N4BP2: variants seen among roughly 807,000 people sequenced by gnomAD.
The protein encoded by N4BP2 is NEDD4-binding protein 2.
A neutral mutation model predicts 152.8 loss-of-function variants in N4BP2; 91 were observed. That is an observed-to-expected ratio of 0.60 (90% CI 0.50 to 0.71). The LOEUF (loss-of-function observed/expected upper bound fraction) is 0.71. Ranked by LOEUF, N4BP2 falls within the 30% of genes least tolerant of loss-of-function variation. N4BP2 has a pLI of 0.00. For synonymous variants in N4BP2, 646 were observed against 705.3 expected, an observed-to-expected ratio of 0.92 and a Z score of 1.33; for missense variants, 1,923 against 2,059.1, an observed-to-expected ratio of 0.93 and a Z score of 1.28.
At chr4:40,098,465 A>G (rs1208773490) in intron 3 of N4BP2, among the ~76,000 whole-genome samples, 1 of 152,164 alleles carries the variant, frequency 6.6e-6, no homozygotes, top group Non-Finnish European at 1.5e-5. Context: ...GACAGAAGGG[A>G]GTTTATATAA....
intron 1 of N4BP2, among the ~76,000 whole-genome samples, chr4:40,068,992 C>T (rs767693833): frequency 2.0e-5 from 3 of 151,422 alleles, no homozygotes; most frequent in Admixed American, 6.6e-5. Flanking sequence ...TGGTGGCGGG[C>T]GCCTGTAATC....
At chr4:40,058,341 C>T (rs1014658713) in intron 1 of N4BP2, among the ~76,000 whole-genome samples, 6 of 152,120 alleles carry the variant, frequency 3.9e-5, no homozygotes, top group African/African-American at 1.2e-4. Flanking sequence ...GCCTTTCTAA[C>T]ATTGTTTACT....
chr4:40,101,016 T>C (rs1715596233), intron 3 of N4BP2, among the ~76,000 whole-genome samples: 1 of 152,156 alleles, frequency 6.6e-6, no homozygotes, highest in Non-Finnish European at 1.5e-5. Flanking sequence ...CAAGCCTGGG[T>C]TTACCCTTTT....
At chr4:40,100,712 C>T (rs761250021) in intron 3 of N4BP2, among the ~76,000 whole-genome samples, 2 of 152,136 alleles carry the variant, frequency 1.3e-5, no homozygotes, top group Non-Finnish European at 1.5e-5. Context: ...TATAACAGAA[C>T]GAGCTCAGCA....
At chr4:40,076,250 A>G (rs1183251031) in intron 2 of N4BP2, among the ~76,000 whole-genome samples, 1 of 152,124 alleles carries the variant, frequency 6.6e-6, no homozygotes, top group Admixed American at 6.5e-5. Context: ...CTGAGGCAGG[A>G]GGATCACTTG....
chr4:40,168,711 A>G, the N4BP2 span, among the ~76,000 whole-genome samples: 2,826 of 151,962 alleles, frequency 0.019, 85 homozygotes, highest in African/African-American at 0.064. Context: ...GAGAATAAAT[A>G]TGTATATTTC....
chr4:40,095,123 G>T (rs1714991858), intron 2 of N4BP2, among the ~76,000 whole-genome samples: 4 of 150,742 alleles, frequency 2.7e-5, no homozygotes, highest in Admixed American at 2.7e-4. Context: ...TGCTCTTGTT[G>T]CCCAGGCTGG....
chr4:40,173,566 G>T, the N4BP2 span, among the ~76,000 whole-genome samples: 4 of 152,346 alleles, frequency 2.6e-5, no homozygotes, highest in African/African-American at 9.6e-5. Context: ...ATGAACATCA[G>T]ATGGAGGTGA....
chr4:40,122,198 C>T lies in N4BP2; in HGVS notation c.4087C>T (p.Pro1363Ser), dbSNP rs769828568. 4 of 1,613,768 alleles carry T rather than the reference C, an allele frequency of 2.5e-6. No homozygotes were observed. In the Admixed American group the frequency reaches 5.0e-5, roughly 20 times the overall value. The change falls in exon 9 of 18, where the codon CCC becomes TCC. Residue 1363 changes from proline to serine, a missense_variant. Transcript: ENST00000261435. ...GGAAGATAAAACCGAGATATTGAAT[C>T]CCACTCCAGCGATGGCCAAATCTCT... The part of the protein sequence containing the change: ...SGEDKTEILN[P>S]TPAMAKSLTI...
chr4:40,172,679 T>A, the N4BP2 span, among the ~76,000 whole-genome samples: 2 of 152,170 alleles, frequency 1.3e-5, no homozygotes. Context: ...AACTATGAGA[T>A]GATAAATTTC....
chr4:40,189,755 G>T, the N4BP2 span, among the ~76,000 whole-genome samples: 1 of 152,064 alleles, frequency 6.6e-6, no homozygotes, highest in African/African-American at 2.4e-5. The surrounding 1 kb of genome is among the most constrained non-coding windows in gnomAD (Gnocchi z 4.3). Context: ...TGGGCATGGT[G>T]GTAGGCCCCT....
intron 8 of N4BP2, 57 bp downstream of exon 8, chr4:40,118,081 A>G (rs1467586288): frequency 5.1e-6 from 7 of 1,374,580 alleles, no homozygotes; most frequent in Non-Finnish European, 6.8e-6. Context: ...TTTAAAAGGT[A>G]TAATTTTGGA....
At chr4:40,105,881 T>C (rs768975099) in intron 4 of N4BP2, among the ~76,000 whole-genome samples, 24 of 152,114 alleles carry the variant, frequency 1.6e-4, no homozygotes, top group Non-Finnish European at 3.2e-4. Context: ...AGCTGAGATA[T>C]ATACATGTTT....
chr4:40,160,095 C>T (rs28463032), downstream of N4BP2, among the ~76,000 whole-genome samples: 3,371 of 152,246 alleles, frequency 0.022, 40 homozygotes, highest in Non-Finnish European at 0.033. Flanking sequence ...GCTGGGATTA[C>T]AGGTGTGAAC....
chr4:40,092,018 A>G (rs1390729631), intron 2 of N4BP2, among the ~76,000 whole-genome samples: 2 of 109,840 alleles, frequency 1.8e-5, no homozygotes, highest in African/African-American at 3.3e-5. Context: ...TTATATATAT[A>G]TATATATATA....
intron 10 of N4BP2, 28 bp from the exon 11 acceptor site, chr4:40,124,132 C>G: frequency 6.3e-7 from 1 of 1,598,122 alleles, no homozygotes; most frequent in Non-Finnish European, 8.6e-7. Flanking sequence ...CCCTGTTTGC[C>G]AATCTCTTGC....
intron 2 of N4BP2, among the ~76,000 whole-genome samples, chr4:40,087,275 A>T (rs895449460): frequency 1.1e-4 from 16 of 151,934 alleles, no homozygotes; most frequent in South Asian, 8.3e-4. Context: ...TTAAAAAAAA[A>T]ATTTTTTTTA....
At chr4:40,142,380 C>A in intron 14 of N4BP2, 2 of 310,314 alleles carry the variant, frequency 6.4e-6, no homozygotes, top group South Asian at 3.9e-5. Flanking sequence ...AGACTGAACT[C>A]GCCTCTTCCA....
At chr4:40,112,353 A>C (rs1454040035) in intron 6 of N4BP2, among the ~76,000 whole-genome samples, 181 bp downstream of exon 6, 1 of 152,102 alleles carries the variant, frequency 6.6e-6, no homozygotes, top group Non-Finnish European at 1.5e-5. Context: ...TTTTTCCATA[A>C]AGTTAAAGTT....
Sources: gnomAD v4.1 joint callset for allele counts (sites outside exome capture counted in the v4.1 genomes callset) on GRCh38, gnomAD v4.1.1 for gene constraint, Gnocchi (gnomAD v3.1) non-coding constraint, MANE v1.5 for transcripts, NCBI Gene and HGNC (gene_info 2026-07-23, HGNC 2026-07-21) for gene names.